The following CACNA1C variants were observed in gnomAD, a reference collection of about 807,000 sequenced individuals.
The protein encoded by CACNA1C is voltage-dependent L-type calcium channel subunit alpha-1C.
Under a neutral mutation model 229.0 loss-of-function variants are expected in CACNA1C, and 30 were observed. The observed-to-expected ratio is 0.13, with a 90% CI of 0.10 to 0.18. CACNA1C has a LOEUF of 0.18. Ranked by LOEUF, CACNA1C falls within the 10% of genes least tolerant of loss-of-function variation. The pLI, the probability that CACNA1C is intolerant of heterozygous loss-of-function variation, is 1.00. For missense variants in CACNA1C, 1,658 were observed against 2,845.0 expected, an observed-to-expected ratio of 0.58 and a Z score of 9.49; for synonymous variants, 1,114 against 1,132.5, an observed-to-expected ratio of 0.98 and a Z score of 0.33.
At chr12:2,466,004 G>A (rs1296167536) in intron 5 of CACNA1C, among the ~76,000 whole-genome samples, 1 of 152,122 alleles carries the variant, frequency 6.6e-6, no homozygotes, top group East Asian at 1.9e-4. Context: ...TGCTGCAGAA[G>A]TTGAAAACTC....
Position 2,674,846 on chromosome 12 carries a change from C to T in CACNA1C, c.4828+204C>T, listed in dbSNP as rs146745187. Among the ~76,000 whole-genome samples the T allele has an allele frequency of 3.3e-3, 505 of 152,340 alleles. 2 individuals are homozygous for T. The highest frequency in any genetic ancestry group is 0.012 in the African/African-American group (479 of 41,580). On this transcript the variant is annotated intron_variant, in intron 39 of 46. Transcript: ENST00000399655. ...CTGTTGGTTAGAAGGGAGGCAGGTG[C>T]AACGCCCTGCACAAACTCAGAAACA...
intron 10 of CACNA1C, among the ~76,000 whole-genome samples, chr12:2,555,690 G>T (rs1258954094): frequency 1.3e-5 from 2 of 152,232 alleles, no homozygotes; most frequent in Non-Finnish European, 2.9e-5. Flanking sequence ...GGTGGGATGA[G>T]GTTATTAGCT....
rs749617983 is a variant in CACNA1C at position 2,608,553 on chromosome 12, C to A, written c.3399C>A (p.Gly1133=). ...RSIDSHTEDK[G]PIYNYRVEIS... is the part of the protein sequence containing the mutation. ...TCGACTCCCACACGGAAGACAAGGG[C>A]CCCATCTACAACTACCGTGTGGAGA... The change falls in exon 27 of 47, where the codon GGC becomes GGA. Residue 1133 remains glycine (G), a synonymous_variant. Coordinates refer to ENST00000399655, the MANE Select transcript of CACNA1C (RefSeq NM_000719.7). This position sits in a 1 kb window ranked among gnomAD's most constrained non-coding sequence, Gnocchi z 4.2. The A allele has an allele frequency of 1.2e-6, 2 of 1,613,320 alleles. No individual in the cohort carries two copies. The highest frequency in any genetic ancestry group is 3.3e-5 in the Admixed American group (2 of 59,912).
chr12:2,091,985 CT>C (rs1409132527), intron 1 of CACNA1C, among the ~76,000 whole-genome samples: 7 of 152,152 alleles, frequency 4.6e-5, no homozygotes, highest in African/African-American at 1.7e-4. Context: ...GCCAGGTGCT[CT>C]TTAGGTCCCT....
In CACNA1C at chr12:2,649,730, C is replaced by G. The variant is rs112834252; in HGVS notation, c.3945+1223C>G. The stretch of plus-strand genomic sequence containing the variant: ...TTTTTAACTGAGCAGATCCAGATGC[C>G]CCTGTGGCACCAACTTCTCAAACTC... On this transcript the variant is annotated intron_variant, in intron 31 of 46. Coordinates refer to ENST00000399655, the MANE Select transcript of CACNA1C (RefSeq NM_000719.7). This position sits in a 1 kb window ranked among gnomAD's most constrained non-coding sequence, Gnocchi z 4.4. Among the ~76,000 whole-genome samples, 14 of 151,364 alleles carry G rather than the reference C, an allele frequency of 9.2e-5. No individual in the cohort carries two copies. The highest frequency in any genetic ancestry group is 2.4e-4 in the African/African-American group (10 of 40,956).
intron 1 of CACNA1C, among the ~76,000 whole-genome samples, chr12:1,981,674 C>T (rs1264593507): frequency 6.6e-6 from 1 of 152,158 alleles, no homozygotes; most frequent in African/African-American, 2.4e-5. Context: ...TCAGTTTCAA[C>T]AGACAAGTGC....
intron 3 of CACNA1C, among the ~76,000 whole-genome samples, chr12:2,141,271 G>T (rs1489286926): frequency 6.6e-6 from 1 of 151,310 alleles, no homozygotes; most frequent in Non-Finnish European, 1.5e-5. Context: ...AGAGGAGCAG[G>T]AAGGATCTGG....
chr12:2,217,054 C>T (rs1283134130), intron 3 of CACNA1C, among the ~76,000 whole-genome samples: 2 of 152,220 alleles, frequency 1.3e-5, no homozygotes, highest in Non-Finnish European at 2.9e-5. Flanking sequence ...TATATACATA[C>T]AGTGGAATAT....
intron 3 of CACNA1C, among the ~76,000 whole-genome samples, chr12:2,182,159 C>G (rs942017925): frequency 6.9e-6 from 1 of 144,228 alleles, no homozygotes; most frequent in Admixed American, 6.9e-5. Flanking sequence ...AAAAAAATGA[C>G]GGTACCAACC....
At chr12:2,167,449 G>GT (rs1347333138) in intron 3 of CACNA1C, among the ~76,000 whole-genome samples, 1 of 152,244 alleles carries the variant, frequency 6.6e-6, no homozygotes, top group Admixed American at 6.5e-5. Context: ...TGATGGTCTA[G>GT]TGTAGAGACT....
At chr12:2,098,339 A>G (rs1397614784) in intron 1 of CACNA1C, among the ~76,000 whole-genome samples, 1 of 152,232 alleles carries the variant, frequency 6.6e-6, no homozygotes, top group Non-Finnish European at 1.5e-5. Context: ...TATACAAAGC[A>G]TTGTTATTAA....
chr12:2,270,152 C>T (rs1481347137), intron 3 of CACNA1C, among the ~76,000 whole-genome samples: 2 of 152,140 alleles, frequency 1.3e-5, no homozygotes, highest in Non-Finnish European at 2.9e-5. Flanking sequence ...AGCTGGAGCT[C>T]ATTTGTAATA....
chr12:2,065,406 A>G (rs1435786525), intron 1 of CACNA1C, among the ~76,000 whole-genome samples: 1 of 152,202 alleles, frequency 6.6e-6, no homozygotes, highest in African/African-American at 2.4e-5. Flanking sequence ...ACAATTCTAA[A>G]TAGTTTTTTT....
At chr12:2,552,264 C>T (rs1297803126) in intron 10 of CACNA1C, among the ~76,000 whole-genome samples, 2 of 152,196 alleles carry the variant, frequency 1.3e-5, no homozygotes, top group Non-Finnish European at 2.9e-5. Context: ...TTGACACCAT[C>T]GTGCTGGAGC....
At chr12:2,027,724 A>C (rs190216794) in intron 1 of CACNA1C, among the ~76,000 whole-genome samples, 133 of 152,322 alleles carry the variant, frequency 8.7e-4, no homozygotes, top group African/African-American at 3.1e-3. Context: ...TCTCCCTGAC[A>C]CTTTTTGTCC....
intron 5 of CACNA1C, among the ~76,000 whole-genome samples, chr12:2,458,638 T>G (rs944373642): frequency 6.6e-6 from 1 of 152,138 alleles, no homozygotes; most frequent in Non-Finnish European, 1.5e-5. Flanking sequence ...CAGATGAGTT[T>G]GGAGATGGTG....
intron 1 of CACNA1C, among the ~76,000 whole-genome samples, chr12:2,111,886 G>A (rs2081911396): frequency 6.6e-6 from 1 of 152,204 alleles, no homozygotes; most frequent in Non-Finnish European, 1.5e-5. Flanking sequence ...CGAGGTTACT[G>A]CGGGGGCAGG....
intron 42 of CACNA1C, chr12:2,681,912 G>C (rs369886672): frequency 1.7e-6 from 2 of 1,152,462 alleles, no homozygotes; most frequent in Admixed American, 1.7e-5. Flanking sequence ...AAGAGGCCTT[G>C]GTCCAGAGCT....
intron 3 of CACNA1C, among the ~76,000 whole-genome samples, chr12:2,235,618 C>A (rs911771063): frequency 2.6e-5 from 4 of 152,126 alleles, no homozygotes; most frequent in Admixed American, 2.6e-4. Flanking sequence ...TGGGTGATGC[C>A]GGTTTACCCA....
Sources: allele counts gnomAD v4.1 joint callset (sites outside exome capture counted in the v4.1 genomes callset), GRCh38; gene constraint gnomAD v4.1.1; non-coding constraint Gnocchi (gnomAD v3.1); transcripts MANE v1.5; gene names NCBI Gene and HGNC (gene_info 2026-07-23, HGNC 2026-07-21).